CRYBG3: variants seen among roughly 807,000 people sequenced by gnomAD.
CRYBG3 encodes the protein crystallin beta-gamma domain containing 3.
In CRYBG3, 127 loss-of-function variants were observed where a neutral mutation model predicts 244.2. The ratio of observed to expected loss-of-function variants is 0.52; its 90% CI spans 0.45 to 0.60. CRYBG3 has a LOEUF of 0.60. Among genes scored for constraint, CRYBG3 ranks in the 20% least tolerant of loss-of-function variants. CRYBG3 has a pLI of 0.00. For missense variants in CRYBG3, 3,325 were observed against 3,442.5 expected (o/e 0.97, Z 0.85); for synonymous variants, 1,132 against 1,195.8 (o/e 0.95, Z 1.10).
intron 18 of CRYBG3, among the ~76,000 whole-genome samples, 163 bp from the exon 19 acceptor site, chr3:97,936,622 T>G (rs774896097): frequency 1.1e-4 from 16 of 152,080 alleles, no homozygotes; most frequent in Admixed American, 2.0e-4. Flanking sequence ...GCCAGTGGGT[T>G]TTCTCCTATA....
intron 1 of CRYBG3, among the ~76,000 whole-genome samples, chr3:97,839,383 G>A (rs2038780840): frequency 6.6e-6 from 1 of 152,046 alleles, no homozygotes; most frequent in African/African-American, 2.4e-5. Context: ...TAGCTACTGT[G>A]TTCTCATTTT....
intron 12 of CRYBG3, among the ~76,000 whole-genome samples, chr3:97,898,378 T>C (rs1339911399): frequency 6.6e-6 from 1 of 152,224 alleles, no homozygotes; most frequent in Non-Finnish European, 1.5e-5. Context: ...AGAGATTTTC[T>C]ATCTTTGTTT....
In CRYBG3 at chr3:97,858,676, C is replaced by T. The variant is rs138821582; in HGVS notation, c.217-5541C>T. Among the ~76,000 whole-genome samples the T allele has an allele frequency of 2.0e-5, 3 of 152,108 alleles. No individual in the cohort carries two copies. In the East Asian group the frequency reaches 5.8e-4, roughly 29 times the overall value. On this transcript the variant is annotated intron_variant, in intron 2 of 21. Transcript: ENST00000389622. ...ATTTCTGTTTGGTTCTTTTTTATGA[C>T]ACCTATCTTGTTGACTTTATCATTC...
intron 2 of CRYBG3, among the ~76,000 whole-genome samples, chr3:97,860,391 G>C (rs903622287): frequency 6.6e-6 from 1 of 152,130 alleles, no homozygotes; most frequent in South Asian, 2.1e-4. Flanking sequence ...ATAATAGTAA[G>C]TACAAGAAGA....
chr3:97,854,697 AT>A (rs1184873564), intron 2 of CRYBG3, among the ~76,000 whole-genome samples: 5 of 148,686 alleles, frequency 3.4e-5, no homozygotes, highest in African/African-American at 7.4e-5. Flanking sequence ...GTATACATTG[AT>A]TTTTTTTTAT....
In CRYBG3 at chr3:97,851,357, T is replaced by C. The variant is rs553379992; in HGVS notation, c.216+8096T>C. Among the ~76,000 whole-genome samples the C allele has an allele frequency of 5.9e-5, 9 of 152,280 alleles. 1 individual carries two copies. The highest frequency in any genetic ancestry group is 2.2e-4 in the African/African-American group (9 of 41,566). Reference sequence around the variant, plus strand: ...TGGGTTTTAGTTTATGAATGCCAAATTTTAGTTACCGTTAATAACTTCAGT... The same window carrying C: ...TGGGTTTTAGTTTATGAATGCCAAACTTTAGTTACCGTTAATAACTTCAGT... On this transcript the variant is annotated intron_variant, in intron 2 of 21. Coordinates refer to ENST00000389622, the MANE Select transcript of CRYBG3 (RefSeq NM_153605.4).
chr3:97,864,852 A>G (rs1388176128), intron 3 of CRYBG3, among the ~76,000 whole-genome samples: 1 of 152,148 alleles, frequency 6.6e-6, no homozygotes, highest in Non-Finnish European at 1.5e-5. Flanking sequence ...TAGGGCCTGC[A>G]AAATTTGTCT....
chr3:97,931,400 C>T (rs1052573175), intron 17 of CRYBG3, among the ~76,000 whole-genome samples: 1 of 152,110 alleles, frequency 6.6e-6, no homozygotes, highest in Non-Finnish European at 1.5e-5. Flanking sequence ...TCTCCTGATT[C>T]ATTTGTTCAG....
chr3:97,861,378 A>G (rs1327068019), intron 2 of CRYBG3, among the ~76,000 whole-genome samples: 1 of 152,190 alleles, frequency 6.6e-6, no homozygotes, highest in Non-Finnish European at 1.5e-5. Flanking sequence ...TGATATTAAT[A>G]TAATGATGAG....
rs774221606 is a variant in CRYBG3, at chr3:97,880,075, G to A, written c.6979G>A (p.Val2327Ile). The A allele has an allele frequency of 1.3e-5, 21 of 1,589,306 alleles. No individual in the cohort carries two copies. Among genetic ancestry groups the A allele is most frequent in the Middle Eastern group, 1.7e-4 (1 of 5,988 alleles). The part of the protein sequence containing the change: ...DATSWSFPNG[V>I]LIKVVRGCWI... ...TACATCATGGTCTTTTCCAAATGGAGTTCTAATAAAAGTTGTAAGGGGCTG... is the reference window on the plus strand; with the variant it reads ...TACATCATGGTCTTTTCCAAATGGAATTCTAATAAAAGTTGTAAGGGGCTG... Residue 2327 changes from valine to isoleucine, a missense_variant, in exon 6 of 22, where the codon GTT (valine) becomes ATT (isoleucine). By Grantham distance (29) the Val-to-Ile change is conservative. Around this residue, in one of 4 missense-constraint regions of CRYBG3, gnomAD observed 714 missense variants for 803.6 expected, o/e 0.89. Transcript: ENST00000389622.
chr3:97,923,941 C>T (rs2040012527), intron 17 of CRYBG3, among the ~76,000 whole-genome samples: 1 of 151,998 alleles, frequency 6.6e-6, no homozygotes, highest in African/African-American at 2.4e-5. Context: ...GGGAGTAAAA[C>T]ATGGCAAGCT....
intron 16 of CRYBG3, among the ~76,000 whole-genome samples, chr3:97,915,115 T>C (rs1160642044): frequency 6.6e-6 from 1 of 152,208 alleles, no homozygotes; most frequent in Non-Finnish European, 1.5e-5. Context: ...CTAAACTGAA[T>C]ACAAACATTT....
intron 2 of CRYBG3, 78 bp downstream of exon 2, chr3:97,843,339 T>C: frequency 1.3e-6 from 1 of 783,488 alleles, no homozygotes; most frequent in Non-Finnish European, 2.0e-6. Flanking sequence ...TTCTGTCATC[T>C]TATTTTACAT....
At chr3:97,860,381 A>G (rs1239757145) in intron 2 of CRYBG3, among the ~76,000 whole-genome samples, 1 of 152,184 alleles carries the variant, frequency 6.6e-6, no homozygotes, top group Non-Finnish European at 1.5e-5. Flanking sequence ...TGTATTTACT[A>G]TAATAGTAAG....
At chr3:97,836,018 G>A (rs149776730) in intron 1 of CRYBG3, among the ~76,000 whole-genome samples, 1 of 152,072 alleles carries the variant, frequency 6.6e-6, no homozygotes, top group Non-Finnish European at 1.5e-5. Flanking sequence ...CACCTCAGAC[G>A]TACTGAGATT....
Position 97,827,724 on chromosome 3 carries a change from G to A in CRYBG3, c.149+5369G>A, listed in dbSNP as rs117196385. Among the ~76,000 whole-genome samples the A allele has an allele frequency of 4.3e-4, 66 of 152,184 alleles. No individual in the cohort carries two copies. The East Asian group carries it at 0.011, about 26-fold the overall frequency. ...AATTCACTTAATCCTCAGAGCAAAC[G>A]TATCTTTACTCCCTTTTACAATATA... On this transcript the variant is annotated intron_variant, in intron 1 of 21. Transcript: ENST00000389622.
At position 97,873,127 on chromosome 3, in the gene CRYBG3, C is replaced by G. The variant is rs1223475900; in HGVS notation, c.1933C>G (p.Leu645Val). 2.6e-6 allele frequency: 4 copies of G among 1,535,576 alleles called. No individual in the cohort carries two copies. The highest frequency in any genetic ancestry group is 3.5e-6 in the Non-Finnish European group (4 of 1,146,698). Residue 645 changes from leucine (L) to valine (V), a missense_variant, in exon 4 of 22, where the codon CTT becomes GTT. Coordinates refer to ENST00000389622, the MANE Select transcript of CRYBG3 (RefSeq NM_153605.4). ...VSPDAKTSLSLDCKKLNFSIS... is the reference protein window; with the variant it reads ...VSPDAKTSLSVDCKKLNFSIS... ...ACCTGATGCTAAAACATCTCTTAGC[C>G]TTGACTGTAAAAAACTAAATTTCAG...
intron 1 of CRYBG3, among the ~76,000 whole-genome samples, chr3:97,823,929 A>T (rs148627600): frequency 7.2e-5 from 11 of 152,188 alleles, no homozygotes; most frequent in Non-Finnish European, 1.6e-4. Context: ...CCCTCCAGCA[A>T]CTAGTTCCTT....
At chr3:97,932,388 C>T (rs2040107474) in intron 17 of CRYBG3, among the ~76,000 whole-genome samples, 1 of 152,068 alleles carries the variant, frequency 6.6e-6, no homozygotes, top group South Asian at 2.1e-4. Flanking sequence ...AACCAGTCCT[C>T]TCCTGATGGG....
Sources: gnomAD v4.1 joint callset for allele counts (sites outside exome capture counted in the v4.1 genomes callset) on GRCh38, gnomAD v4.1.1 for gene constraint, gnomAD v4.1.1 regional missense constraint, MANE v1.5 for transcripts, NCBI Gene and HGNC (gene_info 2026-07-23, HGNC 2026-07-21) for gene names.